CDK14: variants seen among roughly 807,000 people sequenced by gnomAD.
CDK14 encodes cyclin dependent kinase 14, also known as cyclin-dependent kinase 14.
CDK14 carries 34 observed loss-of-function variants against 60.7 expected under a neutral mutation model. The ratio of observed to expected loss-of-function variants is 0.56; its 90% confidence interval spans 0.43 to 0.75. The LOEUF is 0.75. CDK14 is among the 30% of genes least tolerant of loss of function. The probability of loss-of-function intolerance (pLI) is 0.00; values close to 1 mark genes in which losing one functional copy is unlikely to be tolerated. For synonymous variants in CDK14, 197 were observed against 203.7 expected (o/e 0.97, Z 0.28); for missense variants, 482 against 564.1 (o/e 0.85, Z 1.47).
intron 4 of CDK14, among the ~76,000 whole-genome samples, chr7:90,775,229 C>G (rs1172549138): frequency 6.6e-6 from 1 of 152,166 alleles, no homozygotes; most frequent in African/African-American, 2.4e-5. Context: ...TTCTTTAATC[C>G]TAGCTCATGC....
chr7:90,638,737 G>A (rs1230481076), intron 2 of CDK14, among the ~76,000 whole-genome samples: 1 of 152,136 alleles, frequency 6.6e-6, no homozygotes, highest in African/African-American at 2.4e-5. Flanking sequence ...TTCCAACTTG[G>A]TTATATTCTC....
intron 2 of CDK14, among the ~76,000 whole-genome samples, chr7:90,667,451 C>T (rs941728565): frequency 1.1e-4 from 17 of 152,258 alleles, no homozygotes; most frequent in Admixed American, 3.3e-4. Flanking sequence ...TTTTCTCCCT[C>T]CACTAACATA....
intron 6 of CDK14, among the ~76,000 whole-genome samples, chr7:90,876,833 T>C (rs1791579572): frequency 6.6e-6 from 1 of 152,210 alleles, no homozygotes; most frequent in African/African-American, 2.4e-5. Context: ...TTGACGTCAA[T>C]TGTTGTGAAG....
chr7:91,179,439 G>A (rs956168633), intron 14 of CDK14, among the ~76,000 whole-genome samples: 1 of 151,158 alleles, frequency 6.6e-6, no homozygotes, highest in African/African-American at 2.4e-5. Flanking sequence ...CACCAGCATG[G>A]CACATGTATA....
chr7:90,882,602 A>AT (rs1791799451), intron 6 of CDK14, among the ~76,000 whole-genome samples: 1 of 152,212 alleles, frequency 6.6e-6, no homozygotes, highest in Non-Finnish European at 1.5e-5. Context: ...GACCTAGTAG[A>AT]TATCTACAGA....
intron 3 of CDK14, among the ~76,000 whole-genome samples, chr7:90,743,299 C>G (rs1419999856): frequency 1.3e-5 from 2 of 152,084 alleles, no homozygotes; most frequent in East Asian, 1.9e-4. Context: ...CAGCTAAAAT[C>G]TACTCATTTA....
At chr7:90,875,374 G>T (rs536826069) in intron 6 of CDK14, among the ~76,000 whole-genome samples, 4 of 152,228 alleles carry the variant, frequency 2.6e-5, no homozygotes, top group Admixed American at 2.0e-4. Flanking sequence ...ATATATCTAG[G>T]AGTGGTATTG....
In CDK14 at chr7:90,839,656, A is replaced by G. The variant is rs534423737; in HGVS notation, c.545-23519A>G. Reference sequence around the variant, plus strand: ...AAACAAATAATTTTATTTTCTGGTTATTTTTCACACTTCTTCCAAATGGTA... The same window carrying G: ...AAACAAATAATTTTATTTTCTGGTTGTTTTTCACACTTCTTCCAAATGGTA... On this transcript the variant is annotated intron_variant, in intron 5 of 14. Coordinates refer to ENST00000380050, the MANE Select transcript of CDK14 (RefSeq NM_001287135.2). Among the ~76,000 whole-genome samples, 6 of 152,222 alleles carry G rather than the reference A, an allele frequency of 3.9e-5. No homozygotes were observed. The East Asian group carries it at 9.7e-4, about 24-fold the overall frequency.
chr7:90,932,987 T>C (rs186042442), intron 8 of CDK14, among the ~76,000 whole-genome samples: 9 of 152,292 alleles, frequency 5.9e-5, no homozygotes, highest in Admixed American at 5.2e-4. Flanking sequence ...ATTGTTGGTA[T>C]CAAAAGTACT....
At chr7:91,062,356 G>C (rs1016418734) in intron 11 of CDK14, among the ~76,000 whole-genome samples, 1 of 152,140 alleles carries the variant, frequency 6.6e-6, no homozygotes, top group African/African-American at 2.4e-5. Context: ...CCCGGGTGAG[G>C]TGATGCCTCT....
chr7:90,684,405 G>A (rs1801387324), intron 2 of CDK14, among the ~76,000 whole-genome samples: 1 of 152,104 alleles, frequency 6.6e-6, no homozygotes, highest in African/African-American at 2.4e-5. Context: ...CTTCTTCATG[G>A]CAGTGGGGCT....
At chr7:91,142,389 T>A (rs1800495778) in intron 14 of CDK14, among the ~76,000 whole-genome samples, 1 of 152,212 alleles carries the variant, frequency 6.6e-6, no homozygotes, top group African/African-American at 2.4e-5. Flanking sequence ...AAGCAATTGC[T>A]ATTTACCTTC....
intron 7 of CDK14, among the ~76,000 whole-genome samples, chr7:90,910,807 G>A (rs960005696): frequency 1.1e-4 from 17 of 152,096 alleles, no homozygotes; most frequent in Non-Finnish European, 5.9e-5. Context: ...GGGTACATGT[G>A]CAGGATGTGC....
chr7:90,954,894 G>A (rs1794365506), intron 8 of CDK14, among the ~76,000 whole-genome samples: 1 of 2,532 alleles, frequency 3.9e-4, no homozygotes, highest in African/African-American at 5.7e-4. Flanking sequence ...CAAAGTGCTG[G>A]GATTACAGGC....
intron 2 of CDK14, among the ~76,000 whole-genome samples, chr7:90,691,601 CA>C (rs1801554070): frequency 6.6e-6 from 1 of 152,064 alleles, no homozygotes; most frequent in Non-Finnish European, 1.5e-5. Context: ...GATGGGAAAC[CA>C]TTGGAAGTTT....
chr7:91,073,081 G>A (rs185904912), intron 11 of CDK14, among the ~76,000 whole-genome samples: 224 of 152,270 alleles, frequency 1.5e-3, no homozygotes, highest in African/African-American at 5.1e-3. Flanking sequence ...ATGGAACCAA[G>A]TTGGAAAACA....
At chr7:90,685,235 C>T (rs1221608819) in intron 2 of CDK14, among the ~76,000 whole-genome samples, 1 of 151,750 alleles carries the variant, frequency 6.6e-6, no homozygotes, top group Non-Finnish European at 1.5e-5. Context: ...CCATCTTTTC[C>T]CCACTGCTTC....
chr7:90,764,550 G>T (rs754308507), intron 4 of CDK14, among the ~76,000 whole-genome samples: 1 of 152,122 alleles, frequency 6.6e-6, no homozygotes, highest in Non-Finnish European at 1.5e-5. Flanking sequence ...AAAAATCTAG[G>T]ATTGCAATTT....
intron 4 of CDK14, among the ~76,000 whole-genome samples, chr7:90,777,276 A>G (rs1805090354): frequency 6.6e-6 from 1 of 152,166 alleles, no homozygotes; most frequent in Admixed American, 6.5e-5. Flanking sequence ...CTGTTTCAGT[A>G]TCTCTTTTAC....
Sources: gnomAD v4.1 joint callset for allele counts (sites outside exome capture counted in the v4.1 genomes callset) on GRCh38, gnomAD v4.1.1 for gene constraint, MANE v1.5 for transcripts, NCBI Gene and HGNC (gene_info 2026-07-23, HGNC 2026-07-21) for gene names.